Variants in GCSAML observed in about 807,000 individuals in gnomAD.
GCSAML encodes germinal center-associated signaling and motility-like protein.
Under a neutral mutation model 13.0 loss-of-function variants are expected in GCSAML, and 9 were observed. The ratio of observed to expected loss-of-function variants is 0.69; its 90% CI spans 0.42 to 1.21. The LOEUF is 1.21. Ranked by LOEUF, GCSAML falls within the 50% of genes most tolerant of loss-of-function variation. The pLI, the probability that GCSAML is intolerant of heterozygous loss-of-function variation, is 0.00. For missense variants in GCSAML, 143 were observed against 153.4 expected (o/e 0.93, Z 0.36); for synonymous variants, 37 against 52.9 (o/e 0.70, Z 1.31).
At chr1:247,512,115 C>T (rs1464321456) in intron 1 of GCSAML, among the ~76,000 whole-genome samples, 3 of 152,098 alleles carry the variant, frequency 2.0e-5, no homozygotes, top group African/African-American at 7.2e-5. Flanking sequence ...CAACTTGGTT[C>T]CATTCTCCCT....
At chr1:247,522,969 T>C (rs373075032) in intron 1 of GCSAML, among the ~76,000 whole-genome samples, 4 of 151,910 alleles carry the variant, frequency 2.6e-5, no homozygotes, top group Non-Finnish European at 5.9e-5. Flanking sequence ...GAAATTTTTC[T>C]GAGTGCTCTA....
intron 2 of GCSAML, among the ~76,000 whole-genome samples, chr1:247,562,875 C>A (rs980806259): frequency 2.0e-5 from 3 of 151,770 alleles, no homozygotes; most frequent in Non-Finnish European, 4.4e-5. Context: ...GAGACTCGCT[C>A]TGTCACCAGG....
intron 1 of GCSAML, among the ~76,000 whole-genome samples, chr1:247,517,273 C>G (rs569664531): frequency 2.6e-5 from 4 of 152,292 alleles, no homozygotes; most frequent in African/African-American, 9.6e-5. Context: ...AGGCTATTTT[C>G]CCCAAAATGT....
chr1:247,519,166 T>C (rs1442759184), intron 1 of GCSAML: 3 of 152,252 alleles, frequency 2.0e-5, no homozygotes, highest in Non-Finnish European at 2.9e-5. Context: ...TTTGTATCTT[T>C]GCTTGCAGGT....
At chr1:247,540,661 G>A (rs1043036504) in intron 2 of GCSAML, among the ~76,000 whole-genome samples, 6 of 152,228 alleles carry the variant, frequency 3.9e-5, no homozygotes, top group African/African-American at 1.4e-4. Flanking sequence ...TGAACTGAAG[G>A]TGGGGGCAGT....
chr1:247,538,433 C>G (rs1667295839), intron 2 of GCSAML, among the ~76,000 whole-genome samples: 3 of 152,198 alleles, frequency 2.0e-5, no homozygotes, highest in African/African-American at 4.8e-5. Context: ...GCCTATACTA[C>G]AGCTTCATTT....
upstream of GCSAML, among the ~76,000 whole-genome samples, chr1:247,547,967 T>A (rs1166982804): frequency 1.3e-5 from 2 of 152,230 alleles, no homozygotes; most frequent in African/African-American, 4.8e-5. Flanking sequence ...ATTTTTCTCA[T>A]GTTTATAATC....
intron 2 of GCSAML, among the ~76,000 whole-genome samples, chr1:247,557,422 T>A (rs752735374): frequency 6.6e-6 from 1 of 152,216 alleles, no homozygotes; most frequent in Non-Finnish European, 1.5e-5. Context: ...TCAGCTTAGA[T>A]GAACAGAAAC....
At position 247,576,737 on chromosome 1, in the gene GCSAML, G is replaced by T. The variant is rs183880416; in HGVS notation, c.*2355G>T. ...CCTCTTGTGGTGATTTTAATGTGCG[G>T]AAGGGAAACAATAGAAATTTTGCAA... On this transcript the variant is annotated 3_prime_UTR_variant, in exon 5 of 5. Coordinates refer to ENST00000366488, the MANE Select transcript of GCSAML (RefSeq NM_145278.5). 7.9e-5 allele frequency: 12 copies of T among 152,156 alleles called. No individual in the cohort carries two copies. The highest frequency in any genetic ancestry group is 2.9e-4 in the African/African-American group (12 of 41,506). The allele number at this position is 152,156 out of a possible 1,614,324, so 9.4% of individuals were successfully genotyped here.
At position 247,574,131 on chromosome 1, in the gene GCSAML, T is replaced by G. The variant is rs1348325852; in HGVS notation, c.169-12T>G. ...GTGGATCCTTGATTTCTTTTCTCTT[T>G]GTGCTTGGCAGGAAAACGAGAATGG... On this transcript the variant is annotated splice_polypyrimidine_tract_variant and intron_variant, in intron 4 of 4. Transcript: ENST00000366488. The G allele has an allele frequency of 6.2e-7, 1 of 1,613,586 alleles. No individual in the cohort carries two copies. Among genetic ancestry groups the G allele is most frequent in the Non-Finnish European group, 8.5e-7 (1 of 1,179,806 alleles).
At chr1:247,532,540 C>T in intron 2 of GCSAML, 1 of 1,602,756 alleles carries the variant, frequency 6.2e-7, no homozygotes, top group Non-Finnish European at 8.5e-7. Context: ...CAAAAGGCCA[C>T]CTGTGGGAAG....
intron 2 of GCSAML, chr1:247,531,937 T>C: frequency 6.2e-7 from 1 of 1,614,108 alleles, no homozygotes; most frequent in African/African-American, 1.3e-5. Context: ...GAGGCTGGTA[T>C]CCACACAAGC....
intron 4 of GCSAML, among the ~76,000 whole-genome samples, chr1:247,568,854 G>C (rs186815264): frequency 1.4e-3 from 217 of 152,082 alleles, no homozygotes; most frequent in African/African-American, 5.1e-3. Context: ...TTATTTCCTT[G>C]AGCAGTGGTT....
chr1:247,521,958 T>C (rs1666449413), intron 1 of GCSAML, among the ~76,000 whole-genome samples: 1 of 145,938 alleles, frequency 6.9e-6, no homozygotes, highest in Non-Finnish European at 1.5e-5. Context: ...CGGCTGCCCA[T>C]CGTCTGAGAT....
At chr1:247,541,959 G>A (rs1024368498) in intron 2 of GCSAML, among the ~76,000 whole-genome samples, 2 of 150,692 alleles carry the variant, frequency 1.3e-5, no homozygotes, top group African/African-American at 2.5e-5. Flanking sequence ...ACAGTGAGCC[G>A]AGATTGTTCC....
intron 1 of GCSAML, among the ~76,000 whole-genome samples, chr1:247,550,830 G>A (rs1473102175): frequency 2.0e-5 from 3 of 152,044 alleles, no homozygotes; most frequent in Non-Finnish European, 4.4e-5. Context: ...TTTATGGAAA[G>A]CCTAGGTAAG....
intron 1 of GCSAML, among the ~76,000 whole-genome samples, chr1:247,509,493 T>A (rs144152753): frequency 6.6e-6 from 1 of 152,184 alleles, no homozygotes; most frequent in Non-Finnish European, 1.5e-5. Context: ...TGAATAGGCT[T>A]TCTTTCTCTT....
chr1:247,574,098 G>C (rs949705590), intron 4 of GCSAML, 45 bp from the exon 5 acceptor site: 10 of 1,605,528 alleles, frequency 6.2e-6, no homozygotes, highest in Non-Finnish European at 8.5e-6. Context: ...TTCAATTTAT[G>C]AATGACCGTG....
chr1:247,565,904 C>CT (rs367904043), intron 3 of GCSAML, 27 bp from the exon 4 acceptor site: 46,878 of 1,355,836 alleles, frequency 0.035, 36 homozygotes, highest in South Asian at 0.06. Context: ...TCCTTTCTTT[C>CT]TTTTTTTTTT....
Sources: gnomAD v4.1 joint callset for allele counts (sites outside exome capture counted in the v4.1 genomes callset) on GRCh38, gnomAD v4.1.1 for gene constraint, MANE v1.5 for transcripts, NCBI Gene and HGNC (gene_info 2026-07-23, HGNC 2026-07-21) for gene names.